TRPC5: variants seen among roughly 807,000 people sequenced by gnomAD.
TRPC5 encodes the protein short transient receptor potential channel 5.
Under a neutral mutation model 56.5 loss-of-function variants are expected in TRPC5, and 9 were observed. The ratio of observed to expected loss-of-function variants is 0.16; its 90% CI spans 0.10 to 0.28. TRPC5 has a LOEUF of 0.28. TRPC5 is among the 10% of genes least tolerant of loss of function. The pLI is 1.00. For missense variants in TRPC5, 469 were observed against 748.9 expected (o/e 0.63, Z 4.36); for synonymous variants, 282 against 278.5 (o/e 1.01, Z -0.13).
At chrX:111,860,021 G>A (rs1395033216) in intron 3 of TRPC5, among the ~76,000 whole-genome samples, 2 of 112,674 alleles carry the variant, frequency 1.8e-5, no homozygotes, top group South Asian at 3.6e-4. Flanking sequence ...CCATTCTCCT[G>A]CCTCGGCCTC....
intron 3 of TRPC5, among the ~76,000 whole-genome samples, chrX:111,872,008 G>T (rs1923780302): frequency 8.9e-6 from 1 of 111,935 alleles, no homozygotes; most frequent in Non-Finnish European, 1.9e-5. Flanking sequence ...TGCCCCTCAG[G>T]CTTTCCTTTC....
At chrX:111,810,158 C>A (rs1423864627) in intron 7 of TRPC5, among the ~76,000 whole-genome samples, 1 of 111,097 alleles carries the variant, frequency 9.0e-6, no homozygotes, top group East Asian at 2.8e-4. Context: ...CGTGATCCGC[C>A]CGCCTCGACC....
In TRPC5 at chrX:111,846,757, T is replaced by G. The variant is rs752426592; in HGVS notation, c.1700+357A>C. 4.4e-5 allele frequency among the ~76,000 whole-genome samples: 5 copies of G among 112,416 alleles called. No individual in the cohort carries two copies. The South Asian group carries it at 1.9e-3, about 42-fold the overall frequency. ...CAGAGGAATAGCTTTGCTGTTTCATTACCTTGGTGCCACATTTCGAGTGAG... is the reference window on the plus strand; with the variant it reads ...CAGAGGAATAGCTTTGCTGTTTCATGACCTTGGTGCCACATTTCGAGTGAG... On this transcript the variant is annotated intron_variant, in intron 6 of 10. Coordinates refer to ENST00000262839, the MANE Select transcript of TRPC5 (RefSeq NM_012471.3).
intron 1 of TRPC5, among the ~76,000 whole-genome samples, chrX:111,991,722 T>A (rs943347825): frequency 4.5e-5 from 5 of 112,253 alleles, no homozygotes; most frequent in Middle Eastern, 4.6e-3. Context: ...TAGGTTTTTT[T>A]AAAAAAATGA....
intron 1 of TRPC5, among the ~76,000 whole-genome samples, chrX:112,027,458 T>G (rs1330761811): frequency 8.9e-6 from 1 of 111,893 alleles, no homozygotes; most frequent in East Asian, 2.8e-4. Flanking sequence ...CAAATTATCT[T>G]TCTGGATCCT....
chrX:111,888,693 C>CAAAAAAAAAAAAAAAA (rs753735549), intron 3 of TRPC5, among the ~76,000 whole-genome samples: 2 of 10,983 alleles, frequency 1.8e-4, no homozygotes, highest in African/African-American at 2.2e-4. Context: ...GACTCTATCT[C>CAAAAAAAAAAAAAAAA]AAAAAAAAAA....
intron 3 of TRPC5, among the ~76,000 whole-genome samples, chrX:111,869,664 C>G (rs1403923876): frequency 8.9e-6 from 1 of 112,263 alleles, no homozygotes. Context: ...GGTTTCCTGG[C>G]AGATGTTATA....
intron 3 of TRPC5, among the ~76,000 whole-genome samples, chrX:111,867,575 A>G (rs777693955): frequency 1.2e-4 from 14 of 112,002 alleles, no homozygotes; most frequent in African/African-American, 4.5e-4. Flanking sequence ...TCTATGTAGA[A>G]TCAGTGACTC....
At chrX:111,785,516 A>G (rs1185486883) in intron 7 of TRPC5, among the ~76,000 whole-genome samples, 1 of 112,006 alleles carries the variant, frequency 8.9e-6, no homozygotes, top group African/African-American at 3.2e-5. Context: ...CCTCCAAAGA[A>G]TCACATCTCC....
chrX:112,039,191 ATG>A (rs762783379), intron 1 of TRPC5, among the ~76,000 whole-genome samples: 1 of 111,783 alleles, frequency 8.9e-6, no homozygotes, highest in Admixed American at 9.4e-5. Flanking sequence ...GTAGTTGACA[ATG>A]TGTTTCATGT....
rs1926807229 is a variant in TRPC5 at position 111,942,470 on chromosome X, G to A, written c.378+9573C>T. Among the ~76,000 whole-genome samples the A allele has an allele frequency of 2.7e-5, 3 of 111,797 alleles. No homozygotes were observed. The South Asian group carries it at 1.1e-3, about 42-fold the overall frequency. ...TCTGATGATTCCTCAAAGGCAAAGT[G>A]GGGTGGTAGAAAGAGTAGCTTGGGG... On this transcript the variant is annotated intron_variant, in intron 2 of 10. Coordinates refer to ENST00000262839, the MANE Select transcript of TRPC5 (RefSeq NM_012471.3).
At chrX:111,961,116 A>C (rs1451743575) in intron 1 of TRPC5, among the ~76,000 whole-genome samples, 1 of 112,127 alleles carries the variant, frequency 8.9e-6, no homozygotes, top group African/African-American at 3.2e-5. Flanking sequence ...GGCCTACAAA[A>C]TTGTTTTTAA....
intron 1 of TRPC5, among the ~76,000 whole-genome samples, chrX:111,985,077 T>C (rs1283766478): frequency 1.8e-5 from 2 of 112,268 alleles, no homozygotes; most frequent in Admixed American, 1.9e-4. Flanking sequence ...TGCTTAATGG[T>C]GGCACTAATC....
intron 6 of TRPC5, among the ~76,000 whole-genome samples, chrX:111,842,123 T>A (rs1246411941): frequency 1.2e-5 from 1 of 85,697 alleles, no homozygotes; most frequent in Non-Finnish European, 2.0e-5. Context: ...ATATATTTTA[T>A]ATATATATGT....
At chrX:112,051,045 A>G (rs187477522) in intron 1 of TRPC5, among the ~76,000 whole-genome samples, 67 of 112,741 alleles carry the variant, frequency 5.9e-4, no homozygotes, top group African/African-American at 2.0e-3. Context: ...TGCTTTGAGA[A>G]ACTAACTGCA....
rs1332442807 is a variant in TRPC5, at chrX:111,776,400, A to G, written c.2835T>C (p.Asp945=). The change falls in exon 11 of 11, where the codon GAT becomes GAC. Residue 945 remains aspartate (D), a synonymous_variant. Transcript: ENST00000262839. Reference sequence around the variant, plus strand: ...AAGCCTCTCCCCAAGTTTCAAATACATCCTCTGAGGAGTCTAAAAGTTTAG... The same window carrying G: ...AAGCCTCTCCCCAAGTTTCAAATACGTCCTCTGAGGAGTCTAAAAGTTTAG... ...SNSKLLDSSE[D]VFETWGEACD... 6 of 1,208,438 alleles carry G rather than the reference A, an allele frequency of 5.0e-6. No individual in the cohort carries two copies. The highest frequency in any genetic ancestry group is 5.6e-6 in the Non-Finnish European group (5 of 894,790).
Position 111,912,428 on chromosome X carries a change from G to T in TRPC5, c.763C>A (p.Leu255Met). ...SQQCKLFAKDLLDQARSSREL... is the reference protein window; with the variant it reads ...SQQCKLFAKDMLDQARSSREL... Reference sequence around the variant, plus strand: ...CTGGAGCTCCGAGCTTGGTCCAGCAGGTCTTTGGCAAAGAGCTTGCACTGC... The same window carrying T: ...CTGGAGCTCCGAGCTTGGTCCAGCATGTCTTTGGCAAAGAGCTTGCACTGC... The change falls in exon 3 of 11, where the codon CTG becomes ATG. Residue 255 changes from leucine (L) to methionine (M), a missense_variant. Transcript: ENST00000262839. 8.3e-7 allele frequency: 1 copy of T among 1,211,654 alleles called. No individual in the cohort carries two copies. The highest frequency in any genetic ancestry group is 1.1e-6 in the Non-Finnish European group (1 of 895,558).
At chrX:111,794,067 G>T (rs182709758) in intron 7 of TRPC5, among the ~76,000 whole-genome samples, 288 of 111,476 alleles carry the variant, frequency 2.6e-3, no homozygotes, top group African/African-American at 8.5e-3. Context: ...GGGAATAGGG[G>T]GTATGGGGCT....
intron 5 of TRPC5, among the ~76,000 whole-genome samples, chrX:111,849,982 T>C (rs764682392): frequency 7.1e-5 from 8 of 112,208 alleles, no homozygotes; most frequent in Non-Finnish European, 1.5e-4. Context: ...TCAAAGGATG[T>C]AAATTGCATT....
Sources: gnomAD v4.1 joint callset for allele counts (sites outside exome capture counted in the v4.1 genomes callset) on GRCh38, gnomAD v4.1.1 for gene constraint, MANE v1.5 for transcripts, NCBI Gene and HGNC (gene_info 2026-07-23, HGNC 2026-07-21) for gene names.